Variants in GSG1L observed in about 807,000 individuals in gnomAD.
The protein encoded by GSG1L is GSG1 like.
Under a neutral mutation model 42.1 loss-of-function variants are expected in GSG1L, and 24 were observed. The ratio of observed to expected loss-of-function variants is 0.57; its 90% confidence interval spans 0.41 to 0.80. GSG1L has a LOEUF of 0.80. GSG1L is among the 30% of genes least tolerant of loss of function. The pLI is 0.00. For synonymous variants in GSG1L, 215 were observed against 203.5 expected, an observed-to-expected ratio of 1.06 and a Z score of -0.48; for missense variants, 445 against 472.2, an observed-to-expected ratio of 0.94 and a Z score of 0.53.
chr16:27,923,225 G>A (rs1436500299), intron 2 of GSG1L, among the ~76,000 whole-genome samples: 1 of 150,818 alleles, frequency 6.6e-6, no homozygotes, highest in Non-Finnish European at 1.5e-5. Flanking sequence ...GCCAGGATCA[G>A]GTCTCTGTGT....
chr16:27,859,247 C>T (rs964770899), intron 3 of GSG1L, among the ~76,000 whole-genome samples: 2 of 152,204 alleles, frequency 1.3e-5, no homozygotes, highest in African/African-American at 4.8e-5. Context: ...GGGGCCTAGA[C>T]ACTTCCCATG....
At chr16:27,960,418 C>T (rs138292579) in intron 2 of GSG1L, among the ~76,000 whole-genome samples, 31 of 152,178 alleles carry the variant, frequency 2.0e-4, no homozygotes, top group African/African-American at 5.3e-4. Flanking sequence ...CAGTTAGTGC[C>T]AGTGTCGCGA....
At chr16:27,795,036 T>C (rs1330790289) in intron 6 of GSG1L, among the ~76,000 whole-genome samples, 1 of 151,992 alleles carries the variant, frequency 6.6e-6, no homozygotes, top group Non-Finnish European at 1.5e-5. Flanking sequence ...TCACTTTGTG[T>C]TGTAATAGCC....
At chr16:27,913,925 T>C (rs2084421030) in intron 2 of GSG1L, among the ~76,000 whole-genome samples, 3 of 151,826 alleles carry the variant, frequency 2.0e-5, no homozygotes, top group Admixed American at 1.3e-4. Flanking sequence ...TATGAGAAAA[T>C]AGTTTCCCAT....
chr16:27,788,206 G>A lies in GSG1L; in HGVS notation c.*3164C>T, dbSNP rs1172696904. On this transcript the variant is annotated 3_prime_UTR_variant, in exon 7 of 7. Transcript: ENST00000447459. Reference sequence around the variant, plus strand: ...ACCAACTTTCCTCTTCTCCCACTCAGTCTATTCCCTCCTAATTGGTTCCTG... The same window carrying A: ...ACCAACTTTCCTCTTCTCCCACTCAATCTATTCCCTCCTAATTGGTTCCTG... 6.6e-6 allele frequency: 1 copy of A among 152,094 alleles called. No homozygotes were observed. Among genetic ancestry groups the A allele is most frequent in the Non-Finnish European group, 1.5e-5 (1 of 68,054 alleles). The allele number at this position is 152,094 out of a possible 1,614,324, so 9.4% of individuals were successfully genotyped here.
At chr16:27,936,129 G>A (rs978210634) in intron 2 of GSG1L, among the ~76,000 whole-genome samples, 13 of 151,612 alleles carry the variant, frequency 8.6e-5, no homozygotes, top group African/African-American at 2.9e-4. Context: ...AATCACAGTC[G>A]CACAAGGAAA....
In GSG1L at chr16:27,945,547, G is replaced by A. The variant is rs116714130; in HGVS notation, c.397+17609C>T. 5.9e-3 allele frequency among the ~76,000 whole-genome samples: 905 copies of A among 152,330 alleles called. 6 individuals are homozygous for A. The highest frequency in any genetic ancestry group is 0.02 in the African/African-American group (832 of 41,588). On this transcript the variant is annotated intron_variant, in intron 2 of 6. Coordinates refer to ENST00000447459, the MANE Select transcript of GSG1L (RefSeq NM_001109763.2). ...AGGCCAGAGATTCTGCAGACAAGCA[G>A]GGGCCAGGGCATCCCCGCCAAGAGA...
rs2083290071 is a variant in GSG1L at position 27,833,190 on chromosome 16, C to T, written c.663-4234G>A. Among the ~76,000 whole-genome samples the T allele has an allele frequency of 2.6e-5, 4 of 152,140 alleles. No individual in the cohort carries two copies. The South Asian group carries it at 8.3e-4, about 31-fold the overall frequency. On this transcript the variant is annotated intron_variant, in intron 4 of 6. Coordinates refer to ENST00000447459, the MANE Select transcript of GSG1L (RefSeq NM_001109763.2). ...ATTTTTGCCAGTGAATGTCCAATAG[C>T]TCCAGCACCATTTGTTGAAAAGGCC... is the stretch of plus-strand genomic sequence containing the variant.
chr16:27,998,090 C>T (rs2085538593), intron 1 of GSG1L, among the ~76,000 whole-genome samples: 1 of 152,104 alleles, frequency 6.6e-6, no homozygotes, highest in Non-Finnish European at 1.5e-5. Flanking sequence ...CTCCTGACTT[C>T]AGGTAATCCA....
intron 2 of GSG1L, among the ~76,000 whole-genome samples, chr16:27,955,337 G>C (rs1006086639): frequency 6.6e-6 from 1 of 151,866 alleles, no homozygotes; most frequent in African/African-American, 2.4e-5. Context: ...GTTAAAAGTA[G>C]ACTGGCTGAT....
rs2086364148 is a variant in GSG1L, at chr16:28,063,198, G to A, written c.227C>T (p.Ala76Val). The stretch of plus-strand genomic sequence containing the variant: ...GCCGCCAGGGGGGCCGTTCCCCGAG[G>A]CGGTGGCGGCGGCGGCGGCGGCGGC... ...APAAAAAAAT[A>V]SGNGPPGGAL... The change falls in exon 1 of 7, where the codon GCC becomes GTC. Residue 76 changes from alanine (A) to valine (V), a missense_variant. By Grantham distance (64) the Ala-to-Val change is moderately conservative (BLOSUM62 0). Around this residue, in one of 3 missense-constraint regions of GSG1L, gnomAD observed 156 missense variants for 128.3 expected, o/e 1.22. Transcript: ENST00000447459. This position sits in a 1 kb window ranked among gnomAD's most constrained non-coding sequence, Gnocchi z 5.8. 2 of 1,290,596 alleles carry A rather than the reference G, an allele frequency of 1.5e-6. No individual in the cohort carries two copies. The highest frequency in any genetic ancestry group is 2.0e-6 in the Non-Finnish European group (2 of 1,021,516). 79.9% of individuals were successfully genotyped at this position (1,290,596 alleles called of 1,614,324 possible). A position where few individuals can be genotyped will look rare whatever the true frequency, so the allele number is the denominator to read the frequency against.
chr16:27,812,952 G>A (rs1201026291), intron 5 of GSG1L, among the ~76,000 whole-genome samples: 1 of 151,958 alleles, frequency 6.6e-6, no homozygotes. Context: ...GCTACTTTTT[G>A]TAGTTTTAGT....
At position 27,791,288 on chromosome 16, in the gene GSG1L, T is replaced by TG. The variant is rs959209586; in HGVS notation, c.*81dup. The TG allele has an allele frequency of 7.5e-6, 7 of 937,628 alleles. No individual in the cohort carries two copies. In the African/African-American group the frequency reaches 1.0e-4, roughly 14 times the overall value. 58.1% of individuals were successfully genotyped at this position (937,628 alleles called of 1,614,324 possible). A position where few individuals can be genotyped will look rare whatever the true frequency, so the allele number is the denominator to read the frequency against. ...GTTCACGGCACACAGGCCAGGGTTC[T>TG]GGGGGCACCACTCTGGTGGTCTTGC... On this transcript the variant is annotated 3_prime_UTR_variant, in exon 7 of 7. Transcript: ENST00000447459.
chr16:28,051,294 C>G (rs965450361), intron 1 of GSG1L, among the ~76,000 whole-genome samples: 1 of 152,154 alleles, frequency 6.6e-6, no homozygotes, highest in Non-Finnish European at 1.5e-5. Flanking sequence ...AGATCAGCAA[C>G]TAGAAAGCAG....
chr16:27,871,569 G>T (rs1047917899), intron 3 of GSG1L, among the ~76,000 whole-genome samples: 7 of 152,148 alleles, frequency 4.6e-5, no homozygotes, highest in Non-Finnish European at 1.0e-4. Context: ...GCTCAGGGGG[G>T]CCAAGGCTAC....
intron 2 of GSG1L, among the ~76,000 whole-genome samples, chr16:27,885,992 T>C (rs543399366): frequency 2.0e-5 from 3 of 152,292 alleles, no homozygotes; most frequent in East Asian, 3.9e-4. Context: ...CGGGAGAGAC[T>C]CTCTGTCTAC....
chr16:28,025,908 A>G (rs1447106617), intron 1 of GSG1L, among the ~76,000 whole-genome samples: 35 of 152,226 alleles, frequency 2.3e-4, no homozygotes, highest in Non-Finnish European at 1.5e-5. Flanking sequence ...CACAGGCTAG[A>G]GGATAATGGG....
intron 1 of GSG1L, among the ~76,000 whole-genome samples, chr16:28,050,945 A>T (rs1379483802): frequency 6.6e-6 from 1 of 152,198 alleles, no homozygotes; most frequent in Non-Finnish European, 1.5e-5. Flanking sequence ...TTTAGGTTAC[A>T]TGCGCAAATG....
At chr16:27,971,344 A>G (rs1728280610) in intron 1 of GSG1L, among the ~76,000 whole-genome samples, 1 of 152,208 alleles carries the variant, frequency 6.6e-6, no homozygotes, top group Admixed American at 6.5e-5. Context: ...TGTAGTTTTC[A>G]GAATATAGGT....
Sources: allele counts gnomAD v4.1 joint callset (sites outside exome capture counted in the v4.1 genomes callset), GRCh38; gene constraint gnomAD v4.1.1; regional missense constraint gnomAD v4.1.1; non-coding constraint Gnocchi (gnomAD v3.1); transcripts MANE v1.5; gene names NCBI Gene and HGNC (gene_info 2026-07-23, HGNC 2026-07-21).